ZC3H12B: variants seen among roughly 807,000 people sequenced by gnomAD.
ZC3H12B encodes zinc finger CCCH-type containing 12B.
In ZC3H12B, 7 loss-of-function variants were observed where a neutral mutation model predicts 43.9. The observed-to-expected ratio is 0.16, with a 90% CI of 0.09 to 0.30. The LOEUF is 0.30. ZC3H12B is among the 10% of genes least tolerant of loss of function. The pLI, the probability that ZC3H12B is intolerant of heterozygous loss-of-function variation, is 1.00. For missense variants in ZC3H12B, 475 were observed against 670.2 expected, an observed-to-expected ratio of 0.71 and a Z score of 3.22; for synonymous variants, 222 against 241.7, an observed-to-expected ratio of 0.92 and a Z score of 0.76.
At chrX:65,259,505 A>G in the ZC3H12B span, among the ~76,000 whole-genome samples, 1 of 112,142 alleles carries the variant, frequency 8.9e-6, no homozygotes, top group Non-Finnish European at 1.9e-5. Context: ...GGACCTACCA[A>G]AGAATTCATG....
the ZC3H12B span, among the ~76,000 whole-genome samples, chrX:65,052,180 A>T: frequency 9.0e-6 from 1 of 111,213 alleles, no homozygotes; most frequent in African/African-American, 3.3e-5. Context: ...ATTATTTTTT[A>T]AAATGTTTGT....
At chrX:65,358,075 C>A in the ZC3H12B span, among the ~76,000 whole-genome samples, 1 of 108,169 alleles carries the variant, frequency 9.2e-6, no homozygotes, top group African/African-American at 3.4e-5. Flanking sequence ...GATATTAAAC[C>A]AACAAAGATC....
At chrX:65,388,914 G>A (rs2066570074) in intron 2 of ZC3H12B, among the ~76,000 whole-genome samples, 1 of 111,932 alleles carries the variant, frequency 8.9e-6, no homozygotes, top group Non-Finnish European at 1.9e-5. Flanking sequence ...TCCAGATCCT[G>A]TTTCCTGGGT....
intron 2 of ZC3H12B, among the ~76,000 whole-genome samples, chrX:65,372,102 G>A (rs898235519): frequency 1.1e-4 from 12 of 112,128 alleles, no homozygotes; most frequent in Admixed American, 1.9e-4. Flanking sequence ...AGTTTCTGGG[G>A]AAGCCTATTC....
chrX:65,368,080 G>T (rs2066196626), intron 1 of ZC3H12B, among the ~76,000 whole-genome samples: 1 of 112,133 alleles, frequency 8.9e-6, no homozygotes, highest in South Asian at 3.6e-4. Flanking sequence ...ATTATAAAAT[G>T]TCAAGTGGTT....
the ZC3H12B span, among the ~76,000 whole-genome samples, chrX:65,171,054 T>A: frequency 6.1e-3 from 679 of 112,147 alleles, 6 homozygotes; most frequent in African/African-American, 0.02. Flanking sequence ...GTCAGAGTCA[T>A]TCTCCATCCA....
the ZC3H12B span, among the ~76,000 whole-genome samples, chrX:65,311,337 T>G: frequency 3.6e-5 from 4 of 111,883 alleles, no homozygotes; most frequent in African/African-American, 1.3e-4. Flanking sequence ...GCAAAGGATA[T>G]GAACAGACAC....
the ZC3H12B span, among the ~76,000 whole-genome samples, chrX:65,207,251 TACAC>T: frequency 6.4e-4 from 65 of 101,026 alleles, no homozygotes; most frequent in Middle Eastern, 0.015. Context: ...TGTGTATATA[TACAC>T]ACACACACAC....
the ZC3H12B span, among the ~76,000 whole-genome samples, chrX:65,050,236 G>A: frequency 1.8e-5 from 2 of 111,079 alleles, no homozygotes; most frequent in Non-Finnish European, 3.8e-5. Context: ...AAGTGCAACT[G>A]CTTTTTATTT....
chrX:65,140,587 T>C, the ZC3H12B span, among the ~76,000 whole-genome samples: 1 of 111,826 alleles, frequency 8.9e-6, no homozygotes, highest in African/African-American at 3.2e-5. Context: ...TCCACTGTAG[T>C]GTCCACTGGC....
the ZC3H12B span, among the ~76,000 whole-genome samples, chrX:65,280,784 C>T: frequency 3.6e-5 from 4 of 111,213 alleles, no homozygotes; most frequent in Non-Finnish European, 7.5e-5. Context: ...ATCTCATTTA[C>T]AATAGCTACC....
At chrX:65,386,763 G>A (rs965760771) in intron 2 of ZC3H12B, among the ~76,000 whole-genome samples, 46 of 111,020 alleles carry the variant, frequency 4.1e-4, no homozygotes, top group African/African-American at 1.4e-3. Flanking sequence ...GATCTTTCCC[G>A]CTTTCTCTTG....
chrX:65,458,084 T>C (rs967901603), intron 3 of ZC3H12B, among the ~76,000 whole-genome samples: 1 of 48,989 alleles, frequency 2.0e-5, no homozygotes, highest in African/African-American at 1.2e-4. Context: ...AAAAAAAAAA[T>C]TAAAAAAAAA....
chrX:65,329,311 A>G, the ZC3H12B span, among the ~76,000 whole-genome samples: 16 of 110,871 alleles, frequency 1.4e-4, no homozygotes, highest in Non-Finnish European at 2.6e-4. Context: ...GATGATGAGC[A>G]TTTTTTCATG....
the ZC3H12B span, among the ~76,000 whole-genome samples, chrX:65,141,045 GTC>G: frequency 3.6e-5 from 4 of 110,672 alleles, no homozygotes; most frequent in Non-Finnish European, 5.7e-5. Flanking sequence ...CTGTTTTCTA[GTC>G]TCTTTTTCAT....
At chrX:65,424,412 A>T (rs1402458167) in intron 3 of ZC3H12B, among the ~76,000 whole-genome samples, 1 of 111,619 alleles carries the variant, frequency 9.0e-6, no homozygotes, top group Non-Finnish European at 1.9e-5. Flanking sequence ...CCCACTCTGT[A>T]GGTTGTCTGC....
chrX:65,162,328 G>T, the ZC3H12B span, among the ~76,000 whole-genome samples: 1 of 111,620 alleles, frequency 9.0e-6, no homozygotes, highest in African/African-American at 3.3e-5. Flanking sequence ...TGCTAGATTG[G>T]GCAAGTTCTC....
the ZC3H12B span, among the ~76,000 whole-genome samples, chrX:65,060,368 T>C: frequency 8.9e-6 from 1 of 112,287 alleles, no homozygotes; most frequent in Non-Finnish European, 1.9e-5. Context: ...TGAGGTTTTA[T>C]GTTCCTTCTG....
At chrX:65,249,192 T>C in the ZC3H12B span, among the ~76,000 whole-genome samples, 1 of 112,115 alleles carries the variant, frequency 8.9e-6, no homozygotes, top group South Asian at 3.7e-4. Flanking sequence ...AATGTTATCT[T>C]CTAGAATTTT....
Sources: gnomAD v4.1 joint callset for allele counts (sites outside exome capture counted in the v4.1 genomes callset) on GRCh38, gnomAD v4.1.1 for gene constraint, MANE v1.5 for transcripts, NCBI Gene and HGNC (gene_info 2026-07-23, HGNC 2026-07-21) for gene names.